FHIT: variants seen among roughly 807,000 people sequenced by gnomAD.
The protein encoded by FHIT is bis(5'-adenosyl)-triphosphatase.
A neutral mutation model predicts 17.9 loss-of-function variants in FHIT; 19 were observed. The ratio of observed to expected loss-of-function variants is 1.06; its 90% CI spans 0.74 to 1.56. FHIT has a LOEUF of 1.56. Ranked by LOEUF, FHIT falls within the 40% of genes most tolerant of loss-of-function variation. FHIT has a pLI of 0.00. For synonymous variants in FHIT, 81 were observed against 69.7 expected (o/e 1.16, Z -0.81); for missense variants, 248 against 189.2 (o/e 1.31, Z -1.82).
chr3:60,842,257 C>T (rs1553745223), intron 3 of FHIT, among the ~76,000 whole-genome samples: 1 of 151,946 alleles, frequency 6.6e-6, no homozygotes, highest in Admixed American at 6.6e-5. Context: ...ACAAATATCT[C>T]ACCAACAGTC....
At chr3:60,843,196 G>A (rs187117015) in intron 3 of FHIT, among the ~76,000 whole-genome samples, 77 of 152,248 alleles carry the variant, frequency 5.1e-4, no homozygotes, top group Non-Finnish European at 1.8e-4. Flanking sequence ...CTAAAAAGGA[G>A]AACCACAGAG....
At position 60,562,917 on chromosome 3, in the gene FHIT, C is replaced by T. The variant is rs927723758; in HGVS notation, c.-17-25938G>A. 3.9e-5 allele frequency among the ~76,000 whole-genome samples: 6 copies of T among 152,154 alleles called. No homozygotes were observed. In the South Asian group the frequency reaches 1.2e-3, roughly 32 times the overall value. On this transcript the variant is annotated intron_variant, in intron 4 of 9. Transcript: ENST00000492590. Reference sequence around the variant, plus strand: ...CTATTTATTGGAGGTCCTCAAGATCCTCTAAATAAAGGGAAGAACAAGTAC... The same window carrying T: ...CTATTTATTGGAGGTCCTCAAGATCTTCTAAATAAAGGGAAGAACAAGTAC...
At position 59,784,538 on chromosome 3, in the gene FHIT, C is replaced by G. The variant is rs562241600; in HGVS notation, c.349-32217G>C. Among the ~76,000 whole-genome samples, 6 of 152,352 alleles carry G rather than the reference C, an allele frequency of 3.9e-5. No individual in the cohort carries two copies. In the South Asian group the frequency reaches 1.2e-3, roughly 32 times the overall value. ...CCACTGGACCAGTCTTGCCTGGTTCCTCCCAGAGTGTGGGACACTAACCAC... is the reference window on the plus strand; with the variant it reads ...CCACTGGACCAGTCTTGCCTGGTTCGTCCCAGAGTGTGGGACACTAACCAC... On this transcript the variant is annotated intron_variant, in intron 8 of 9. Transcript: ENST00000492590.
At chr3:59,832,051 T>G (rs1432741896) in intron 8 of FHIT, among the ~76,000 whole-genome samples, 1 of 152,140 alleles carries the variant, frequency 6.6e-6, no homozygotes, top group African/African-American at 2.4e-5. Context: ...CATTACTCCT[T>G]ACCCAGTGAT....
At chr3:60,754,849 C>T (rs1305185383) in intron 4 of FHIT, among the ~76,000 whole-genome samples, 2 of 152,150 alleles carry the variant, frequency 1.3e-5, no homozygotes, top group African/African-American at 4.8e-5. Context: ...TTGCTGGAAC[C>T]TTAGTCATAC....
intron 2 of FHIT, among the ~76,000 whole-genome samples, chr3:61,187,509 T>A (rs538261420): frequency 2.0e-5 from 3 of 152,218 alleles, no homozygotes; most frequent in Non-Finnish European, 2.9e-5. Flanking sequence ...ACTGTCAACA[T>A]CACACAGATC....
chr3:59,995,683 G>A (rs1699476664), intron 7 of FHIT, among the ~76,000 whole-genome samples: 1 of 152,024 alleles, frequency 6.6e-6, no homozygotes, highest in African/African-American at 2.4e-5. Flanking sequence ...AAAAACTGTG[G>A]ATCTGGAGGG....
chr3:60,223,165 T>G (rs905219330), intron 5 of FHIT, among the ~76,000 whole-genome samples: 2 of 152,154 alleles, frequency 1.3e-5, no homozygotes, highest in African/African-American at 4.8e-5. Flanking sequence ...AGAATGACAT[T>G]GCAGAGTCCC....
chr3:60,541,436 C>G (rs1479801411), intron 4 of FHIT, among the ~76,000 whole-genome samples: 4 of 152,156 alleles, frequency 2.6e-5, no homozygotes, highest in Admixed American at 1.3e-4. Context: ...AGAGTCTTAG[C>G]TGTACCACTT....
intron 5 of FHIT, among the ~76,000 whole-genome samples, chr3:60,198,529 T>C (rs1480164388): frequency 7.2e-6 from 1 of 138,462 alleles, no homozygotes; most frequent in East Asian, 3.1e-4. Context: ...AAGATAGCTG[T>C]CGTGAGTTGT....
At chr3:60,317,144 A>T (rs950099576) in intron 5 of FHIT, among the ~76,000 whole-genome samples, 3 of 152,110 alleles carry the variant, frequency 2.0e-5, no homozygotes, top group Non-Finnish European at 4.4e-5. Flanking sequence ...TCAAACTGTT[A>T]CTCAACATTA....
At chr3:61,196,782 G>A (rs2038863272) in intron 2 of FHIT, among the ~76,000 whole-genome samples, 1 of 152,222 alleles carries the variant, frequency 6.6e-6, no homozygotes, top group Non-Finnish European at 1.5e-5. Flanking sequence ...CCGCTGAAGA[G>A]AGGCCCCCAA....
chr3:60,974,339 T>C (rs1398759798), intron 3 of FHIT, among the ~76,000 whole-genome samples: 1 of 152,182 alleles, frequency 6.6e-6, no homozygotes, highest in Non-Finnish European at 1.5e-5. Flanking sequence ...TCCCTGTTCA[T>C]CCCATTGGCC....
chr3:60,105,217 C>T (rs774957077), intron 5 of FHIT, among the ~76,000 whole-genome samples: 3 of 152,148 alleles, frequency 2.0e-5, no homozygotes, highest in Non-Finnish European at 4.4e-5. Context: ...ACCAGGCACT[C>T]ACTGGTTCTG....
chr3:60,493,019 T>C lies in FHIT; in HGVS notation c.103+43841A>G, dbSNP rs141162112. On this transcript the variant is annotated intron_variant, in intron 5 of 9. Transcript: ENST00000492590. ...ACAGTACATGTATACCCACTAATTATAAAACAGCGTAGAATTGATGGATAA... is the reference window on the plus strand; with the variant it reads ...ACAGTACATGTATACCCACTAATTACAAAACAGCGTAGAATTGATGGATAA... Among the ~76,000 whole-genome samples the C allele has an allele frequency of 2.8e-4, 43 of 152,178 alleles. 1 individual carries two copies. The East Asian group carries it at 8.3e-3, about 29-fold the overall frequency.
At chr3:60,126,631 A>T (rs922446661) in intron 5 of FHIT, among the ~76,000 whole-genome samples, 1 of 152,180 alleles carries the variant, frequency 6.6e-6, no homozygotes, top group Admixed American at 6.5e-5. Flanking sequence ...AACCAACAGA[A>T]TTTGATTCAC....
chr3:61,135,190 A>G (rs1006549104), intron 2 of FHIT, among the ~76,000 whole-genome samples: 1 of 151,724 alleles, frequency 6.6e-6, no homozygotes. Context: ...AGTTAAGGAG[A>G]AAAAAAAAGA....
chr3:60,828,859 C>T (rs1231323013), intron 3 of FHIT, among the ~76,000 whole-genome samples: 1 of 151,978 alleles, frequency 6.6e-6, no homozygotes, highest in Non-Finnish European at 1.5e-5. Context: ...GCCTGGGCAA[C>T]AAAAGTGAAA....
chr3:60,013,368 T>C (rs1040944079), intron 6 of FHIT, among the ~76,000 whole-genome samples: 4 of 152,172 alleles, frequency 2.6e-5, no homozygotes, highest in East Asian at 1.9e-4. Flanking sequence ...GCCCTTTCCA[T>C]AGAGGGCCTG....
Sources: allele counts gnomAD v4.1 joint callset (sites outside exome capture counted in the v4.1 genomes callset), GRCh38; gene constraint gnomAD v4.1.1; transcripts MANE v1.5; gene names NCBI Gene and HGNC (gene_info 2026-07-23, HGNC 2026-07-21).